Variants in CDH18 observed in about 807,000 individuals in gnomAD.
CDH18 encodes the protein cadherin 18.
CDH18 carries 31 observed loss-of-function variants against 67.9 expected under a neutral mutation model. That is an observed-to-expected ratio of 0.46 (90% CI 0.34 to 0.62). The LOEUF (loss-of-function observed/expected upper bound fraction) is 0.62, where lower values mean the gene tolerates loss of function less well. CDH18 is among the 20% of genes least tolerant of loss of function. The pLI is 0.01. For missense variants in CDH18, 890 were observed against 975.5 expected, an observed-to-expected ratio of 0.91 and a Z score of 1.17; for synonymous variants, 362 against 347.2, an observed-to-expected ratio of 1.04 and a Z score of -0.48.
chr5:19,835,958 C>T (rs1344402825), intron 3 of CDH18, among the ~76,000 whole-genome samples: 1 of 152,138 alleles, frequency 6.6e-6, no homozygotes, highest in Middle Eastern at 3.2e-3. Flanking sequence ...ACCATATGTT[C>T]ATTGGCACCA....
rs185553815 is a variant in CDH18, at chr5:19,497,800, A to G, written c.1630+5192T>C. Among the ~76,000 whole-genome samples the G allele has an allele frequency of 9.2e-5, 14 of 152,338 alleles. 1 individual carries two copies. The highest frequency in any genetic ancestry group is 3.4e-4 in the African/African-American group (14 of 41,584). Reference sequence around the variant, plus strand: ...TGCATTAAGAAGTTATAATAAGAACATAGGTGTTTTTACAATAGTTGCTCG... The same window carrying G: ...TGCATTAAGAAGTTATAATAAGAACGTAGGTGTTTTTACAATAGTTGCTCG... On this transcript the variant is annotated intron_variant, in intron 11 of 12. Coordinates refer to ENST00000382275, the MANE Select transcript of CDH18 (RefSeq NM_004934.5).
chr5:19,711,419 CAACA>C (rs1764684955), intron 5 of CDH18, among the ~76,000 whole-genome samples: 2 of 151,558 alleles, frequency 1.3e-5, no homozygotes, highest in South Asian at 2.1e-4. Flanking sequence ...ACAACAACAA[CAACA>C]AACAAATAAC....
intron 2 of CDH18, among the ~76,000 whole-genome samples, chr5:19,860,102 C>G (rs988410039): frequency 6.6e-6 from 1 of 151,802 alleles, no homozygotes; most frequent in Non-Finnish European, 1.5e-5. Context: ...TTATAGCAAT[C>G]TGTTTATGGT....
intron 2 of CDH18, among the ~76,000 whole-genome samples, chr5:20,198,579 A>C (rs534613615): frequency 1.3e-5 from 2 of 152,160 alleles, no homozygotes; most frequent in Non-Finnish European, 2.9e-5. Flanking sequence ...CAGCCTGATG[A>C]TGCGGTAGAA....
chr5:20,465,638 A>T (rs1751583034), intron 1 of CDH18, among the ~76,000 whole-genome samples: 1 of 151,996 alleles, frequency 6.6e-6, no homozygotes, highest in South Asian at 2.1e-4. Context: ...ACTAAATGAA[A>T]TATTATTAAG....
intron 2 of CDH18, among the ~76,000 whole-genome samples, chr5:19,943,891 T>C (rs761424262): frequency 2.0e-5 from 3 of 152,114 alleles, no homozygotes; most frequent in Non-Finnish European, 4.4e-5. Flanking sequence ...CAATGAAATA[T>C]AAGCAGTTTT....
At chr5:20,078,805 AGG>A (rs1744190834) in intron 2 of CDH18, among the ~76,000 whole-genome samples, 1 of 152,032 alleles carries the variant, frequency 6.6e-6, no homozygotes, top group Non-Finnish European at 1.5e-5. Flanking sequence ...TAGCAGAGAC[AGG>A]GTCTCGCCAC....
intron 3 of CDH18, among the ~76,000 whole-genome samples, chr5:19,804,655 A>C (rs997012443): frequency 2.6e-5 from 4 of 152,206 alleles, no homozygotes; most frequent in African/African-American, 9.6e-5. Context: ...TAACCAATAT[A>C]AACATCATTA....
At chr5:19,874,687 T>C (rs1786739887) in intron 2 of CDH18, among the ~76,000 whole-genome samples, 1 of 152,248 alleles carries the variant, frequency 6.6e-6, no homozygotes, top group Non-Finnish European at 1.5e-5. Context: ...AATTGAATTT[T>C]ACTATATCAT....
chr5:19,895,387 T>C (rs1254185253), intron 2 of CDH18, among the ~76,000 whole-genome samples: 1 of 152,168 alleles, frequency 6.6e-6, no homozygotes, highest in Non-Finnish European at 1.5e-5. Context: ...AGCATTGGGC[T>C]TACTTGAATT....
intron 2 of CDH18, among the ~76,000 whole-genome samples, chr5:20,218,682 G>C (rs1740975327): frequency 6.6e-6 from 1 of 151,916 alleles, no homozygotes; most frequent in Non-Finnish European, 1.5e-5. Context: ...CATGAGATCT[G>C]ATGGTTTTAT....
chr5:20,417,725 G>A (rs1015036797), intron 1 of CDH18, among the ~76,000 whole-genome samples: 6 of 152,218 alleles, frequency 3.9e-5, no homozygotes, highest in South Asian at 2.1e-4. Context: ...AAAATATGGT[G>A]CACTGTATCA....
intron 10 of CDH18, among the ~76,000 whole-genome samples, chr5:19,518,640 T>C (rs1579960346): frequency 6.6e-6 from 1 of 152,146 alleles, no homozygotes. Flanking sequence ...TCAGACTCCA[T>C]GCTCTTCAGA....
chr5:19,479,488 G>A (rs1009792648), intron 12 of CDH18, among the ~76,000 whole-genome samples: 1 of 151,974 alleles, frequency 6.6e-6, no homozygotes, highest in East Asian at 1.9e-4. Context: ...CAATAAAAAC[G>A]AATCAATGCC....
At chr5:19,808,515 T>C (rs974527670) in intron 3 of CDH18, among the ~76,000 whole-genome samples, 4 of 151,910 alleles carry the variant, frequency 2.6e-5, no homozygotes, top group Non-Finnish European at 5.9e-5. Context: ...TTCCTTAAAG[T>C]AAATACCTGT....
intron 2 of CDH18, among the ~76,000 whole-genome samples, chr5:19,847,618 T>C (rs1783146686): frequency 6.6e-6 from 1 of 152,104 alleles, no homozygotes; most frequent in Admixed American, 6.6e-5. Context: ...CCTCTTTTGA[T>C]TGAGCCCTGT....
intron 3 of CDH18, among the ~76,000 whole-genome samples, chr5:19,787,087 G>T (rs1775876563): frequency 6.6e-6 from 1 of 152,160 alleles, no homozygotes; most frequent in Non-Finnish European, 1.5e-5. Context: ...CTATAGAAAG[G>T]AAGAAGAATC....
At chr5:20,197,151 A>G (rs1739047035) in intron 2 of CDH18, among the ~76,000 whole-genome samples, 1 of 152,148 alleles carries the variant, frequency 6.6e-6, no homozygotes, top group Non-Finnish European at 1.5e-5. Context: ...AGGTGGGACT[A>G]CAGGCACCCA....
At chr5:20,506,700 T>C (rs1754682724) in intron 1 of CDH18, among the ~76,000 whole-genome samples, 1 of 152,268 alleles carries the variant, frequency 6.6e-6, no homozygotes, top group Non-Finnish European at 1.5e-5. Flanking sequence ...TGTGTAGTAT[T>C]GTAAACTGTT....
Sources: gnomAD v4.1 joint callset for allele counts (sites outside exome capture counted in the v4.1 genomes callset) on GRCh38, gnomAD v4.1.1 for gene constraint, MANE v1.5 for transcripts, NCBI Gene and HGNC (gene_info 2026-07-23, HGNC 2026-07-21) for gene names.